Variants in SCML4 observed in about 807,000 individuals in gnomAD.
SCML4 encodes sex comb on midleg-like protein 4.
Under a neutral mutation model 41.1 loss-of-function variants are expected in SCML4, and 34 were observed. The ratio of observed to expected loss-of-function variants is 0.83; its 90% CI spans 0.63 to 1.10. The LOEUF is 1.10. SCML4 is among the 50% of genes least tolerant of loss of function. The probability of loss-of-function intolerance (pLI) is 0.00; values close to 1 mark genes in which losing one functional copy is unlikely to be tolerated. For missense variants in SCML4, 522 were observed against 534.1 expected (o/e 0.98, Z 0.22); for synonymous variants, 214 against 220.9 (o/e 0.97, Z 0.28).
intron 1 of SCML4, among the ~76,000 whole-genome samples, chr6:107,805,163 G>T (rs986051051): frequency 1.3e-5 from 2 of 152,132 alleles, no homozygotes; most frequent in African/African-American, 4.8e-5. Context: ...GAGAGTTAGG[G>T]GTGTGGAGCA....
At chr6:107,738,876 C>T (rs77123095) in intron 5 of SCML4, among the ~76,000 whole-genome samples, 4,718 of 152,240 alleles carry the variant, frequency 0.031, 255 homozygotes, top group African/African-American at 0.11. Context: ...CTTGCTCCTA[C>T]TCCTCCAGGT....
the SCML4 span, among the ~76,000 whole-genome samples, chr6:107,845,836 A>T: frequency 6.6e-6 from 1 of 152,210 alleles, no homozygotes; most frequent in Non-Finnish European, 1.5e-5. Flanking sequence ...TATCTTCCAG[A>T]TGCTGGGCCC....
chr6:107,797,662 T>A (rs1230433995), intron 1 of SCML4, among the ~76,000 whole-genome samples: 3 of 152,036 alleles, frequency 2.0e-5, no homozygotes, highest in African/African-American at 7.2e-5. Flanking sequence ...AAATCCAGGA[T>A]AATGCTGCAT....
At chr6:107,786,470 C>T (rs1221203633) in intron 1 of SCML4, among the ~76,000 whole-genome samples, 1 of 147,218 alleles carries the variant, frequency 6.8e-6, no homozygotes, top group Non-Finnish European at 1.5e-5. Context: ...TTCTATTCTA[C>T]ATCCTTTCTT....
intron 1 of SCML4, among the ~76,000 whole-genome samples, chr6:107,800,054 T>C (rs1554221791): frequency 6.6e-6 from 1 of 151,822 alleles, no homozygotes; most frequent in Non-Finnish European, 1.5e-5. Context: ...TCTGAATTTG[T>C]TCCCCATGCT....
At chr6:107,721,660 G>A (rs1388711099) in intron 5 of SCML4, among the ~76,000 whole-genome samples, 1 of 152,138 alleles carries the variant, frequency 6.6e-6, no homozygotes, top group Non-Finnish European at 1.5e-5. Context: ...CCCCTCACCT[G>A]GCTCAGGACT....
At chr6:107,787,379 G>A (rs1781982753) in intron 1 of SCML4, among the ~76,000 whole-genome samples, 1 of 152,100 alleles carries the variant, frequency 6.6e-6, no homozygotes, top group Admixed American at 6.5e-5. Context: ...CTGCTAAGGA[G>A]GCAGCAGCTG....
At chr6:107,725,652 T>A (rs1037726851) in intron 5 of SCML4, among the ~76,000 whole-genome samples, 3 of 152,132 alleles carry the variant, frequency 2.0e-5, no homozygotes, top group Admixed American at 1.3e-4. Context: ...AGAGCAAAAA[T>A]TATAAAACTC....
chr6:107,707,241 G>C (rs1056427091), intron 7 of SCML4, among the ~76,000 whole-genome samples: 1 of 152,306 alleles, frequency 6.6e-6, no homozygotes, highest in East Asian at 1.9e-4. Context: ...GGCAGAGGCT[G>C]CAGTGAGCCG....
chr6:107,705,450 T>C (rs1416317101), intron 7 of SCML4, 125 bp from the exon 8 acceptor site: 4 of 821,028 alleles, frequency 4.9e-6, no homozygotes, highest in Non-Finnish European at 7.5e-6. Context: ...GGCAGCATAT[T>C]CTCTTGGTCC....
At position 107,704,813 on chromosome 6, in the gene SCML4, T is replaced by G. The variant is rs11153076; in HGVS notation, c.*387A>C. 0.55 allele frequency: 137,069 copies of G among 250,106 alleles called. 38,979 individuals are homozygous for G. The highest frequency in any genetic ancestry group is 0.63 in the Middle Eastern group (426 of 678). The allele number at this position is 250,106 out of a possible 1,614,324, so 15.5% of individuals were successfully genotyped here. A position where few individuals can be genotyped will look rare whatever the true frequency, so the allele number is the denominator to read the frequency against. On this transcript the variant is annotated 3_prime_UTR_variant, in exon 8 of 8. Coordinates refer to ENST00000369020, the MANE Select transcript of SCML4 (RefSeq NM_198081.5). Reference sequence around the variant, plus strand: ...TTAGAGGCAGATGGTGCTGAGGGGGTTGTCCCTGCAGAGACCGCAGGGACA... The same window carrying G: ...TTAGAGGCAGATGGTGCTGAGGGGGGTGTCCCTGCAGAGACCGCAGGGACA...
chr6:107,790,889 G>A (rs1782273197), intron 1 of SCML4, among the ~76,000 whole-genome samples: 3 of 152,224 alleles, frequency 2.0e-5, no homozygotes, highest in African/African-American at 7.2e-5. Flanking sequence ...GGCCAACATG[G>A]TGAAACCCTG....
chr6:107,807,654 T>C (rs1783838395), intron 1 of SCML4, among the ~76,000 whole-genome samples: 1 of 152,232 alleles, frequency 6.6e-6, no homozygotes, highest in African/African-American at 2.4e-5. Flanking sequence ...CACAATTCCC[T>C]GTAGGACACT....
chr6:107,746,525 A>G, intron 4 of SCML4, 164 bp downstream of exon 4: 1 of 589,638 alleles, frequency 1.7e-6, no homozygotes, highest in Admixed American at 3.2e-5. Context: ...CCTCTCCCTG[A>G]GCCCTGAGAG....
intron 1 of SCML4, among the ~76,000 whole-genome samples, chr6:107,787,760 A>G (rs1023639131): frequency 6.6e-6 from 1 of 152,240 alleles, no homozygotes; most frequent in Non-Finnish European, 1.5e-5. Flanking sequence ...GTAGGAATCC[A>G]TTCACCAGTC....
At chr6:107,727,651 G>T (rs920382400) in intron 5 of SCML4, among the ~76,000 whole-genome samples, 28 of 152,338 alleles carry the variant, frequency 1.8e-4, no homozygotes, top group African/African-American at 6.7e-4. Context: ...TGCCTTGATG[G>T]CCTCGCTGCA....
At chr6:107,803,126 CAG>C (rs1282632875) in intron 1 of SCML4, among the ~76,000 whole-genome samples, 22 of 150,102 alleles carry the variant, frequency 1.5e-4, no homozygotes, top group East Asian at 1.2e-3. Context: ...TGCCTTGGCC[CAG>C]CAAAGTGCCG....
At chr6:107,749,095 G>C (rs1358287993) in intron 3 of SCML4, among the ~76,000 whole-genome samples, 2 of 151,978 alleles carry the variant, frequency 1.3e-5, no homozygotes, top group Admixed American at 6.6e-5. Flanking sequence ...GGCTGGGGTT[G>C]TGACATAGGA....
At position 107,820,631 on chromosome 6, in the gene SCML4, G is replaced by A. The variant is rs57973094; in HGVS notation, c.-60+3495C>T. On this transcript the variant is annotated intron_variant, in intron 1 of 7. Coordinates refer to ENST00000369020, the MANE Select transcript of SCML4 (RefSeq NM_198081.5). ...TGAGAGTTTGCAAAAACATGAAGGA[G>A]TGAGCCCTTGCCAGAATTGAAACCA... 5.4e-3 allele frequency among the ~76,000 whole-genome samples: 826 copies of A among 152,294 alleles called. 10 individuals are homozygous for A. The highest frequency in any genetic ancestry group is 0.019 in the African/African-American group (772 of 41,568).
Sources: gnomAD v4.1 joint callset for allele counts (sites outside exome capture counted in the v4.1 genomes callset) on GRCh38, gnomAD v4.1.1 for gene constraint, MANE v1.5 for transcripts, NCBI Gene and HGNC (gene_info 2026-07-23, HGNC 2026-07-21) for gene names.